Variants in GRPR observed in about 807,000 individuals in gnomAD.
GRPR encodes gastrin-releasing peptide receptor.
Under a neutral mutation model 15.6 loss-of-function variants are expected in GRPR, and 4 were observed. The ratio of observed to expected loss-of-function variants is 0.26; its 90% CI spans 0.13 to 0.59. The LOEUF is 0.59. GRPR is among the 20% of genes least tolerant of loss of function. The pLI is 0.90. For synonymous variants in GRPR, 128 were observed against 126.8 expected (o/e 1.01, Z -0.06); for missense variants, 270 against 304.1 (o/e 0.89, Z 0.83).
chrX:16,150,272 G>A, intron 1 of GRPR, 33 bp from the exon 2 acceptor site: 1 of 947,588 alleles, frequency 1.1e-6, no homozygotes, highest in Non-Finnish European at 1.5e-6. Context: ...ATAATATTAT[G>A]CAACTGATGG....
intron 2 of GRPR, 80 bp downstream of exon 2, chrX:16,150,736 G>A: frequency 1.6e-6 from 1 of 606,271 alleles, no homozygotes; most frequent in Middle Eastern, 3.4e-4. Flanking sequence ...GACAAGCCAT[G>A]ACACTTGAAT....
chrX:16,152,750 G>A lies in GRPR; in HGVS notation c.*105G>A. 1.4e-6 allele frequency: 1 copy of A among 708,233 alleles called. No homozygotes were observed. The highest frequency in any genetic ancestry group is 2.3e-6 in the Non-Finnish European group (1 of 443,965). 58.4% of individuals were successfully genotyped at this position (708,233 alleles called of 1,213,427 possible). On this transcript the variant is annotated 3_prime_UTR_variant, in exon 3 of 3. Transcript: ENST00000380289. ...GTGCCCTCCAAAGAGCCTTCAGAAT[G>A]CTCCTGAGTGGTGTAGGTGGGGGTG...
At chrX:16,149,711 T>A (rs1398670603) in intron 1 of GRPR, among the ~76,000 whole-genome samples, 1 of 107,952 alleles carries the variant, frequency 9.3e-6, no homozygotes, top group African/African-American at 3.4e-5. Flanking sequence ...GCAACATGCC[T>A]TGTTATTAAT....
rs1601948161 is a variant in GRPR at position 16,152,718 on chromosome X, T to C, written c.*73T>C. 1 of 965,661 alleles carries C rather than the reference T, an allele frequency of 1.0e-6. No individual in the cohort carries two copies. Among genetic ancestry groups the C allele is most frequent in the East Asian group, 3.1e-5 (1 of 32,640 alleles). The allele number at this position is 965,661 out of a possible 1,213,427, so 79.6% of individuals were successfully genotyped here. A position where few individuals can be genotyped will look rare whatever the true frequency, so the allele number is the denominator to read the frequency against. Reference sequence around the variant, plus strand: ...AGACAGGAACCCTTGCATCCATTGTTGTGTCTGTGCCCTCCAAAGAGCCTT... The same window carrying C: ...AGACAGGAACCCTTGCATCCATTGTCGTGTCTGTGCCCTCCAAAGAGCCTT... On this transcript the variant is annotated 3_prime_UTR_variant, in exon 3 of 3. Transcript: ENST00000380289.
At chrX:16,127,175 C>A (rs1271194256) in intron 1 of GRPR, among the ~76,000 whole-genome samples, 1 of 111,394 alleles carries the variant, frequency 9.0e-6, no homozygotes, top group Non-Finnish European at 1.9e-5. Flanking sequence ...ATGAGTGGGG[C>A]ACATAGTGAT....
In GRPR at chrX:16,149,934, T is replaced by C. The variant is rs749516338; in HGVS notation, c.414-371T>C. 1.2e-4 allele frequency among the ~76,000 whole-genome samples: 14 copies of C among 112,013 alleles called. 1 individual carries two copies. Among genetic ancestry groups the C allele is most frequent in the Non-Finnish European group, 2.3e-4 (12 of 53,258 alleles). The stretch of plus-strand genomic sequence containing the variant: ...TATGTTAATTAGCTCAATCTAGTCA[T>C]TCCACAGTGTATACATATTTTAAAA... On this transcript the variant is annotated intron_variant, in intron 1 of 2. Transcript: ENST00000380289.
At chrX:16,138,412 G>A (rs1005438487) in intron 1 of GRPR, among the ~76,000 whole-genome samples, 4 of 112,004 alleles carry the variant, frequency 3.6e-5, no homozygotes, top group African/African-American at 1.3e-4. Context: ...GGAAAAATTG[G>A]AAGGAAATAT....
At chrX:16,141,969 T>C (rs1363524556) in intron 1 of GRPR, among the ~76,000 whole-genome samples, 1 of 112,060 alleles carries the variant, frequency 8.9e-6, no homozygotes, top group Non-Finnish European at 1.9e-5. Context: ...TTGTGCATAA[T>C]CTAGTTTTAA....
intron 1 of GRPR, among the ~76,000 whole-genome samples, chrX:16,130,639 C>G (rs1351309811): frequency 8.9e-6 from 1 of 112,502 alleles, no homozygotes; most frequent in African/African-American, 3.2e-5. Context: ...TCCAAAGGCT[C>G]CTTTACCATT....
At chrX:16,145,308 C>T (rs1198948018) in intron 1 of GRPR, among the ~76,000 whole-genome samples, 3 of 112,098 alleles carry the variant, frequency 2.7e-5, no homozygotes, top group African/African-American at 9.7e-5. Context: ...CAGTGGAGTA[C>T]TATTCAGCCC....
chrX:16,149,860 C>T (rs952819082), intron 1 of GRPR, among the ~76,000 whole-genome samples: 2 of 110,810 alleles, frequency 1.8e-5, no homozygotes, highest in East Asian at 2.8e-4. Context: ...ATTGCTGAGT[C>T]GATTTTAAGT....
chrX:16,135,670 C>T (rs1922437200), intron 1 of GRPR, among the ~76,000 whole-genome samples: 1 of 111,995 alleles, frequency 8.9e-6, no homozygotes, highest in African/African-American at 3.2e-5. Flanking sequence ...CAGGCTGTTT[C>T]ATATTAGCCA....
At chrX:16,126,004 T>A (rs1276290233) in intron 1 of GRPR, among the ~76,000 whole-genome samples, 1 of 111,413 alleles carries the variant, frequency 9.0e-6, no homozygotes, top group Non-Finnish European at 1.9e-5. Context: ...GTTTACTCTC[T>A]TCTTAGGGAG....
At chrX:16,136,531 G>A (rs187536504) in intron 1 of GRPR, among the ~76,000 whole-genome samples, 26 of 112,082 alleles carry the variant, frequency 2.3e-4, no homozygotes, top group African/African-American at 8.1e-4. Flanking sequence ...GAAGACCAAC[G>A]ACAGGGGTCA....
chrX:16,143,012 C>T (rs1922552252), intron 1 of GRPR, among the ~76,000 whole-genome samples: 1 of 109,906 alleles, frequency 9.1e-6, no homozygotes, highest in Admixed American at 9.8e-5. Flanking sequence ...TTCTCTTCCC[C>T]TCCTTCCATC....
chrX:16,142,692 GCT>G (rs778018885), intron 1 of GRPR, among the ~76,000 whole-genome samples: 1 of 110,891 alleles, frequency 9.0e-6, no homozygotes, highest in African/African-American at 3.3e-5. Flanking sequence ...CTTTCTTAAA[GCT>G]CTGTTCTTCA....
intron 2 of GRPR, 133 bp downstream of exon 2, chrX:16,150,789 T>C (rs1248273540): frequency 2.0e-6 from 1 of 505,974 alleles, no homozygotes; most frequent in Non-Finnish European, 3.5e-6. Flanking sequence ...AGATGCTAAA[T>C]GGAAATGCCT....
chrX:16,127,680 C>T (rs767348962), intron 1 of GRPR, among the ~76,000 whole-genome samples: 91 of 112,130 alleles, frequency 8.1e-4, no homozygotes, highest in Middle Eastern at 4.6e-3. Flanking sequence ...CATTACTACC[C>T]GTATGAGAAA....
chrX:16,144,652 A>G (rs1360351182), intron 1 of GRPR, among the ~76,000 whole-genome samples: 5 of 112,026 alleles, frequency 4.5e-5, no homozygotes, highest in Admixed American at 9.5e-5. Flanking sequence ...TGACAAATTA[A>G]TCTTCCCACA....
Sources: gnomAD v4.1 joint callset for allele counts (sites outside exome capture counted in the v4.1 genomes callset) on GRCh38, gnomAD v4.1.1 for gene constraint, MANE v1.5 for transcripts, NCBI Gene and HGNC (gene_info 2026-07-23, HGNC 2026-07-21) for gene names.